COL4A5: variants seen among roughly 807,000 people sequenced by gnomAD.
COL4A5 encodes collagen alpha-5(IV) chain.
A neutral mutation model predicts 130.2 loss-of-function variants in COL4A5; 26 were observed. That is an observed-to-expected ratio of 0.20 (90% CI 0.15 to 0.28). The LOEUF (loss-of-function observed/expected upper bound fraction) is 0.28. Among genes scored for constraint, COL4A5 ranks in the 10% least tolerant of loss-of-function variants. The pLI is 1.00. For synonymous variants in COL4A5, 496 were observed against 439.6 expected, an observed-to-expected ratio of 1.13 and a Z score of -1.60; for missense variants, 1,131 against 1,344.3, an observed-to-expected ratio of 0.84 and a Z score of 2.48.
At chrX:108,491,269 C>G (rs1383004648) in intron 1 of COL4A5, among the ~76,000 whole-genome samples, 1 of 111,617 alleles carries the variant, frequency 9.0e-6, no homozygotes, top group East Asian at 2.8e-4. Flanking sequence ...GACTCTTCCT[C>G]TCTGAAACTG....
intron 32 of COL4A5, 82 bp from the exon 33 acceptor site, chrX:108,622,594 G>T (rs752787059): frequency 9.2e-7 from 1 of 1,083,235 alleles, no homozygotes; most frequent in African/African-American, 1.8e-5. Context: ...ACTCAACTAT[G>T]AAACATATCA....
chrX:108,615,931 TTTG>T (rs1298827838), intron 30 of COL4A5, among the ~76,000 whole-genome samples: 2 of 112,265 alleles, frequency 1.8e-5, no homozygotes, highest in Admixed American at 1.9e-4. Context: ...CAGTAGATAT[TTTG>T]TTATTATTCT....
At chrX:108,537,044 G>T (rs1342856299) in intron 1 of COL4A5, among the ~76,000 whole-genome samples, 3 of 111,335 alleles carry the variant, frequency 2.7e-5, no homozygotes, top group African/African-American at 9.8e-5. Flanking sequence ...TTCCTTAAAG[G>T]TAGCACCTGC....
At chrX:108,695,707 A>C (rs1481464165) in intron 52 of COL4A5, 2 of 335,227 alleles carry the variant, frequency 6.0e-6, no homozygotes, top group Non-Finnish European at 1.1e-5. Flanking sequence ...TGACCTTCCT[A>C]ATAAGTCAGC....
At chrX:108,505,771 T>G (rs996559482) in intron 1 of COL4A5, among the ~76,000 whole-genome samples, 4 of 112,218 alleles carry the variant, frequency 3.6e-5, no homozygotes, top group Non-Finnish European at 7.5e-5. Context: ...GTCTACAATA[T>G]TTTGTTTTGG....
intron 6 of COL4A5, 25 bp from the exon 7 acceptor site, chrX:108,571,388 G>T: frequency 8.8e-7 from 1 of 1,134,582 alleles, no homozygotes; most frequent in South Asian, 1.8e-5. Context: ...GTTCCTCCAT[G>T]CTCTTTATTT....
chrX:108,600,621 A>C (rs2066610361), intron 25 of COL4A5, among the ~76,000 whole-genome samples: 2 of 101,631 alleles, frequency 2.0e-5, no homozygotes, highest in Non-Finnish European at 4.0e-5. Flanking sequence ...AACCAATAAA[A>C]AGGATGGACA....
intron 3 of COL4A5, among the ~76,000 whole-genome samples, chrX:108,560,500 C>G (rs748246091): frequency 1.8e-5 from 2 of 112,749 alleles, no homozygotes; most frequent in African/African-American, 6.4e-5. Context: ...TTGCGGACAA[C>G]CTTTTCTAAT....
At chrX:108,525,896 A>T (rs1427799135) in intron 1 of COL4A5, among the ~76,000 whole-genome samples, 1 of 111,464 alleles carries the variant, frequency 9.0e-6, no homozygotes, top group Non-Finnish European at 1.9e-5. Context: ...TGCCTCTTTC[A>T]GCATCATCTT....
intron 1 of COL4A5, among the ~76,000 whole-genome samples, chrX:108,528,333 C>T (rs956396735): frequency 8.9e-6 from 1 of 112,117 alleles, no homozygotes; most frequent in African/African-American, 3.2e-5. Flanking sequence ...AGTCAAAGTA[C>T]CATACACAGC....
chrX:108,616,344 T>G (rs914584887), intron 30 of COL4A5, among the ~76,000 whole-genome samples: 2 of 110,580 alleles, frequency 1.8e-5, no homozygotes, highest in African/African-American at 6.6e-5. Context: ...CAAACGATTC[T>G]CCTGCCTCAG....
chrX:108,518,320 A>G (rs905780257), intron 1 of COL4A5, among the ~76,000 whole-genome samples: 1 of 111,615 alleles, frequency 9.0e-6, no homozygotes, highest in African/African-American at 3.2e-5. Flanking sequence ...AGCTGTAGGC[A>G]TAGCTTCCCC....
At chrX:108,546,014 G>A (rs1289396355) in intron 2 of COL4A5, among the ~76,000 whole-genome samples, 1 of 111,735 alleles carries the variant, frequency 8.9e-6, no homozygotes, top group Non-Finnish European at 1.9e-5. Flanking sequence ...CTGCACATGA[G>A]ATGGGTCTCC....
chrX:108,559,716 A>G, intron 3 of COL4A5, among the ~76,000 whole-genome samples: 1 of 112,044 alleles, frequency 8.9e-6, no homozygotes, highest in East Asian at 2.8e-4. Flanking sequence ...GAGAAGAGCT[A>G]GGATGGAAAC....
chrX:108,534,778 G>C (rs1340156156), intron 1 of COL4A5, among the ~76,000 whole-genome samples: 3 of 111,306 alleles, frequency 2.7e-5, no homozygotes, highest in Non-Finnish European at 5.7e-5. Context: ...ATGTTATGCA[G>C]TTATGTTCTG....
At chrX:108,583,309 A>G (rs10521520) in intron 17 of COL4A5, among the ~76,000 whole-genome samples, 27,438 of 111,112 alleles carry the variant, frequency 0.25, 2,816 homozygotes, top group East Asian at 0.57. Flanking sequence ...TGAATGTAGA[A>G]CGTCGCCACT....
intron 1 of COL4A5, among the ~76,000 whole-genome samples, chrX:108,445,105 G>A (rs1009739037): frequency 2.7e-5 from 3 of 110,880 alleles, no homozygotes; most frequent in Non-Finnish European, 5.7e-5. Flanking sequence ...ATCAATTTTA[G>A]ATTTCATTAT....
chrX:108,506,395 C>T (rs759214394), intron 1 of COL4A5, among the ~76,000 whole-genome samples: 1 of 107,693 alleles, frequency 9.3e-6, no homozygotes, highest in South Asian at 4.1e-4. Flanking sequence ...TATCTACCTA[C>T]CTGTCTATAA....
intron 1 of COL4A5, among the ~76,000 whole-genome samples, chrX:108,488,479 A>G (rs1310704769): frequency 8.9e-6 from 1 of 111,964 alleles, no homozygotes; most frequent in Non-Finnish European, 1.9e-5. Context: ...GATAGTATGG[A>G]CCCTTGTCAT....
Sources: allele counts gnomAD v4.1 joint callset (sites outside exome capture counted in the v4.1 genomes callset), GRCh38; gene constraint gnomAD v4.1.1; transcripts MANE v1.5; gene names NCBI Gene and HGNC (gene_info 2026-07-23, HGNC 2026-07-21).